Variants in CSMD1 observed in about 807,000 individuals in gnomAD.
The protein encoded by CSMD1 is CUB and sushi domain-containing protein 1.
CSMD1 carries 213 observed loss-of-function variants against 417.5 expected under a neutral mutation model. That is an observed-to-expected ratio of 0.51 (90% CI 0.46 to 0.57). The LOEUF (loss-of-function observed/expected upper bound fraction) is 0.57. Ranked by LOEUF, CSMD1 falls within the 20% of genes least tolerant of loss-of-function variation. CSMD1 has a pLI of 0.00. For synonymous variants in CSMD1, 2,862 were observed against 1,736.8 expected (o/e 1.65, Z -16.11); for missense variants, 6,923 against 4,529.7 (o/e 1.53, Z -15.17).
At chr8:3,827,991 A>T (rs765093127) in intron 5 of CSMD1, among the ~76,000 whole-genome samples, 1 of 152,176 alleles carries the variant, frequency 6.6e-6, no homozygotes, top group East Asian at 1.9e-4. Flanking sequence ...ATAAACAGAA[A>T]CAACCTCATG....
chr8:4,325,669 T>C (rs1309165882), intron 3 of CSMD1, among the ~76,000 whole-genome samples: 2 of 152,084 alleles, frequency 1.3e-5, no homozygotes, highest in Admixed American at 6.5e-5. Context: ...ATCATGCTCA[T>C]CTCTAGGGCC....
chr8:3,153,587 A>C (rs1470502793), intron 39 of CSMD1, among the ~76,000 whole-genome samples: 1 of 152,232 alleles, frequency 6.6e-6, no homozygotes, highest in African/African-American at 2.4e-5. Context: ...GTATTACTAA[A>C]AAGTTCCTTT....
intron 5 of CSMD1, among the ~76,000 whole-genome samples, chr8:3,914,927 A>C: frequency 6.6e-6 from 1 of 152,288 alleles, no homozygotes; most frequent in South Asian, 2.1e-4. Context: ...TGATTGAACT[A>C]AACACAACAA....
At chr8:3,395,749 A>T (rs1811651993) in intron 17 of CSMD1, among the ~76,000 whole-genome samples, 1 of 152,180 alleles carries the variant, frequency 6.6e-6, no homozygotes, top group Non-Finnish European at 1.5e-5. Flanking sequence ...ACCCAGTGAA[A>T]CGTGTCTATC....
intron 10 of CSMD1, among the ~76,000 whole-genome samples, chr8:3,560,600 G>C (rs912066359): frequency 1.3e-5 from 2 of 152,138 alleles, no homozygotes; most frequent in Admixed American, 1.3e-4. Flanking sequence ...GGAATGGAAA[G>C]GCTAGAGAAA....
rs548527615 is a variant in CSMD1, at chr8:3,211,724, G to A, written c.4867+2773C>T. ...GCAGGGCGCACCTTTCAGTGCTGCC[G>A]TTGGCTCACAAGCCCGGCCCTGCCC... On this transcript the variant is annotated intron_variant, in intron 30 of 69. Coordinates refer to ENST00000635120, the MANE Select transcript of CSMD1 (RefSeq NM_033225.6). 9.2e-5 allele frequency among the ~76,000 whole-genome samples: 14 copies of A among 152,312 alleles called. No individual in the cohort carries two copies. In the South Asian group the frequency reaches 1.7e-3, roughly 18 times the overall value.
At chr8:4,351,764 G>A (rs1179453095) in intron 3 of CSMD1, among the ~76,000 whole-genome samples, 1 of 152,098 alleles carries the variant, frequency 6.6e-6, no homozygotes, top group East Asian at 1.9e-4. Flanking sequence ...TTGAGAAGAT[G>A]TGAAATTGCC....
chr8:4,630,133 A>G (rs1240134462), intron 2 of CSMD1, among the ~76,000 whole-genome samples: 1 of 152,202 alleles, frequency 6.6e-6, no homozygotes, highest in Non-Finnish European at 1.5e-5. Context: ...CTGAATTCAC[A>G]TGCCTGTCAA....
intron 3 of CSMD1, among the ~76,000 whole-genome samples, chr8:4,159,809 G>A (rs1006692435): frequency 2.6e-5 from 4 of 152,104 alleles, no homozygotes; most frequent in Non-Finnish European, 5.9e-5. Flanking sequence ...AGGATAGGGA[G>A]ACCATTATTC....
At chr8:4,811,091 C>T (rs1014563354) in intron 1 of CSMD1, among the ~76,000 whole-genome samples, 77 of 152,242 alleles carry the variant, frequency 5.1e-4, no homozygotes, top group African/African-American at 1.7e-3. Context: ...GAAAGGTATT[C>T]TGTAAGTGGA....
intron 3 of CSMD1, among the ~76,000 whole-genome samples, chr8:4,315,861 G>C (rs933159031): frequency 6.6e-6 from 1 of 151,954 alleles, no homozygotes; most frequent in Non-Finnish European, 1.5e-5. Context: ...TATATTCTCA[G>C]TCTTCTTAGT....
intron 3 of CSMD1, among the ~76,000 whole-genome samples, chr8:4,339,357 A>C (rs1255214011): frequency 6.6e-6 from 1 of 152,100 alleles, no homozygotes; most frequent in Non-Finnish European, 1.5e-5. Context: ...TCAGCTGGTC[A>C]AATAATGAAT....
At chr8:4,921,887 A>T (rs567838471) in intron 1 of CSMD1, among the ~76,000 whole-genome samples, 1 of 152,186 alleles carries the variant, frequency 6.6e-6, no homozygotes, top group Admixed American at 6.5e-5. Context: ...ATTCACTCAG[A>T]ATTGAACCTT....
At chr8:3,030,078 G>T (rs1168299062) in intron 50 of CSMD1, among the ~76,000 whole-genome samples, 1 of 151,958 alleles carries the variant, frequency 6.6e-6, no homozygotes, top group African/African-American at 2.4e-5. Flanking sequence ...TCTTAAAGGA[G>T]ACCATCTATT....
chr8:3,980,538 G>A (rs184049464), intron 5 of CSMD1, among the ~76,000 whole-genome samples: 5 of 85,152 alleles, frequency 5.9e-5, no homozygotes, highest in Admixed American at 9.9e-5. Flanking sequence ...TAGATTTGTC[G>A]TCTCTCTTTG....
intron 3 of CSMD1, among the ~76,000 whole-genome samples, chr8:4,250,804 G>C (rs1803017444): frequency 6.6e-6 from 1 of 152,100 alleles, no homozygotes; most frequent in African/African-American, 2.4e-5. Context: ...CTGTTGAAAG[G>C]CTTAATTGTA....
At chr8:4,979,881 C>T (rs958403988) in intron 1 of CSMD1, among the ~76,000 whole-genome samples, 1 of 151,820 alleles carries the variant, frequency 6.6e-6, no homozygotes, top group Non-Finnish European at 1.5e-5. Flanking sequence ...ACTAAAAATA[C>T]AAAAAAATTA....
intron 3 of CSMD1, among the ~76,000 whole-genome samples, chr8:4,260,814 T>G (rs915044397): frequency 8.5e-5 from 13 of 152,194 alleles, no homozygotes; most frequent in African/African-American, 3.1e-4. Flanking sequence ...AAAATTATTA[T>G]GTATATTATG....
chr8:4,760,956 G>C (rs1040298184), intron 1 of CSMD1, among the ~76,000 whole-genome samples: 1 of 151,978 alleles, frequency 6.6e-6, no homozygotes, highest in Non-Finnish European at 1.5e-5. Flanking sequence ...ACTTATTTCA[G>C]ACCAAAGTTG....
Sources: allele counts gnomAD v4.1 joint callset (sites outside exome capture counted in the v4.1 genomes callset), GRCh38; gene constraint gnomAD v4.1.1; transcripts MANE v1.5; gene names NCBI Gene and HGNC (gene_info 2026-07-23, HGNC 2026-07-21).